DSCAM: variants seen among roughly 807,000 people sequenced by gnomAD.
The protein encoded by DSCAM is cell adhesion molecule DSCAM.
DSCAM carries 47 observed loss-of-function variants against 217.7 expected under a neutral mutation model. The ratio of observed to expected loss-of-function variants is 0.22; its 90% CI spans 0.17 to 0.28. The LOEUF (loss-of-function observed/expected upper bound fraction) is 0.28, where lower values mean the gene tolerates loss of function less well. Ranked by LOEUF, DSCAM falls within the 10% of genes least tolerant of loss-of-function variation. The pLI is 1.00. For synonymous variants in DSCAM, 1,056 were observed against 1,015.3 expected (o/e 1.04, Z -0.76); for missense variants, 2,080 against 2,618.3 (o/e 0.79, Z 4.49).
At chr21:40,773,217 G>T (rs1176589915) in intron 1 of DSCAM, among the ~76,000 whole-genome samples, 1 of 152,226 alleles carries the variant, frequency 6.6e-6, no homozygotes, top group Non-Finnish European at 1.5e-5. Context: ...TTACATTTCT[G>T]AGGGCTGCCA....
intron 3 of DSCAM, among the ~76,000 whole-genome samples, chr21:40,562,360 G>A (rs561106667): frequency 3.3e-5 from 5 of 152,016 alleles, no homozygotes; most frequent in East Asian, 1.9e-4. Flanking sequence ...CTCCCCTTCC[G>A]CCATGATTGT....
chr21:40,662,983 G>A (rs1355985702), intron 3 of DSCAM, among the ~76,000 whole-genome samples: 1 of 152,156 alleles, frequency 6.6e-6, no homozygotes, highest in Non-Finnish European at 1.5e-5. Flanking sequence ...CCAGCTTGAG[G>A]GGCTCTGAGG....
chr21:40,062,837 A>G (rs1456619113), intron 28 of DSCAM, 32 bp downstream of exon 28: 2 of 1,552,298 alleles, frequency 1.3e-6, no homozygotes, highest in African/African-American at 1.4e-5. Flanking sequence ...TCTTTCAAAC[A>G]TGATATCTGG....
At chr21:40,841,061 G>A (rs1027465935) in intron 1 of DSCAM, among the ~76,000 whole-genome samples, 3 of 152,292 alleles carry the variant, frequency 2.0e-5, no homozygotes, top group Admixed American at 1.3e-4. Context: ...AGCCAAATCA[G>A]CATCACCTAA....
At chr21:40,159,894 T>C (rs1312359250) in intron 16 of DSCAM, among the ~76,000 whole-genome samples, 3 of 152,350 alleles carry the variant, frequency 2.0e-5, no homozygotes, top group African/African-American at 7.2e-5. Flanking sequence ...TATCCATCTA[T>C]TATTAGGTTA....
At chr21:40,164,344 C>T (rs1251981365) in intron 16 of DSCAM, among the ~76,000 whole-genome samples, 1 of 152,082 alleles carries the variant, frequency 6.6e-6, no homozygotes, top group African/African-American at 2.4e-5. Flanking sequence ...TGGACTGCTG[C>T]TTGGGTAGGT....
chr21:40,758,226 T>C (rs2091295391), intron 1 of DSCAM, among the ~76,000 whole-genome samples: 1 of 152,138 alleles, frequency 6.6e-6, no homozygotes, highest in African/African-American at 2.4e-5. Context: ...TTCTGGCCTC[T>C]AGAACTATGG....
intron 3 of DSCAM, among the ~76,000 whole-genome samples, chr21:40,631,040 T>G (rs1307842282): frequency 6.6e-6 from 1 of 152,222 alleles, no homozygotes; most frequent in Non-Finnish European, 1.5e-5. Flanking sequence ...TTTCTCCCTG[T>G]GCTTTTCAGC....
intron 1 of DSCAM, among the ~76,000 whole-genome samples, chr21:40,755,323 A>G (rs1413670641): frequency 6.6e-6 from 1 of 152,054 alleles, no homozygotes; most frequent in Non-Finnish European, 1.5e-5. Context: ...GTGCATGCCT[A>G]TAATCCCAGC....
rs555702598 is a variant in DSCAM at position 40,128,306 on chromosome 21, A to G, written c.3563-3978T>C. Among the ~76,000 whole-genome samples the G allele has an allele frequency of 1.1e-4, 16 of 150,904 alleles. No homozygotes were observed. The Admixed American group carries it at 1.1e-3, about 10-fold the overall frequency. On this transcript the variant is annotated intron_variant, in intron 19 of 32. Coordinates refer to ENST00000400454, the MANE Select transcript of DSCAM (RefSeq NM_001389.5). Reference sequence around the variant, plus strand: ...TCTGTGTGGTAGGCAGGATTCTACAATGGGTCCCCAAGATCCTTACCTTCT... The same window carrying G: ...TCTGTGTGGTAGGCAGGATTCTACAGTGGGTCCCCAAGATCCTTACCTTCT...
intron 3 of DSCAM, among the ~76,000 whole-genome samples, chr21:40,611,320 G>C (rs1257263114): frequency 1.3e-5 from 2 of 152,024 alleles, no homozygotes; most frequent in Non-Finnish European, 2.9e-5. Context: ...GCCTCACAAA[G>C]TGTTGGGATT....
rs551155597 is a variant in DSCAM, at chr21:40,116,777, C to A, written c.3696+7418G>T. ...CAGCACTTTGGGAGGCCGAGGCGGG[C>A]GGATCATGAGGTCAGGAGATCGAGA... On this transcript the variant is annotated intron_variant, in intron 20 of 32. Transcript: ENST00000400454. Among the ~76,000 whole-genome samples, 124 of 150,264 alleles carry A rather than the reference C, an allele frequency of 8.3e-4. 4 individuals carry two copies. In the South Asian group the frequency reaches 0.026, roughly 31 times the overall value.
intron 11 of DSCAM, among the ~76,000 whole-genome samples, chr21:40,214,558 T>C (rs1275571487): frequency 6.6e-6 from 1 of 152,060 alleles, no homozygotes; most frequent in African/African-American, 2.4e-5. Context: ...TAAACAGCTT[T>C]GAAAGAAGCT....
chr21:40,393,294 G>A (rs1223757186), intron 3 of DSCAM, among the ~76,000 whole-genome samples: 1 of 152,212 alleles, frequency 6.6e-6, no homozygotes. Flanking sequence ...CTCTGATGCG[G>A]AGCAGCACTC....
chr21:40,595,322 G>A (rs2077013330), intron 3 of DSCAM, among the ~76,000 whole-genome samples: 1 of 151,718 alleles, frequency 6.6e-6, no homozygotes, highest in Admixed American at 6.6e-5. Flanking sequence ...AGGCTGCAGT[G>A]AGCCCTGATC....
At position 40,100,122 on chromosome 21, in the gene DSCAM, C is replaced by G. The variant is rs928277165; in HGVS notation, c.3697-6248G>C. The stretch of plus-strand genomic sequence containing the variant: ...AACCATAGGCATGAAATGCCTCCAA[C>G]AGAGGGATGCAGTGTAAATTATATA... On this transcript the variant is annotated intron_variant, in intron 20 of 32. Coordinates refer to ENST00000400454, the MANE Select transcript of DSCAM (RefSeq NM_001389.5). Among the ~76,000 whole-genome samples the G allele has an allele frequency of 5.9e-5, 9 of 152,294 alleles. 1 individual carries two copies. The Middle Eastern group carries it at 0.01, about 173-fold the overall frequency.
intron 8 of DSCAM, 108 bp downstream of exon 8, chr21:40,337,993 T>C: frequency 2.2e-6 from 3 of 1,365,460 alleles, no homozygotes; most frequent in Non-Finnish European, 3.1e-6. Context: ...TGTACAATTA[T>C]CCTGCTCTAA....
At chr21:40,194,094 G>A (rs568082828) in intron 11 of DSCAM, among the ~76,000 whole-genome samples, 164 of 152,284 alleles carry the variant, frequency 1.1e-3, no homozygotes, top group African/African-American at 3.7e-3. Context: ...CCAAACCATA[G>A]ACCTCTGGTT....
At chr21:40,437,878 A>G (rs2075597742) in intron 3 of DSCAM, among the ~76,000 whole-genome samples, 1 of 152,166 alleles carries the variant, frequency 6.6e-6, no homozygotes, top group African/African-American at 2.4e-5. Flanking sequence ...AAAGAAGAAG[A>G]GCCAGAACTG....
Sources: gnomAD v4.1 joint callset for allele counts (sites outside exome capture counted in the v4.1 genomes callset) on GRCh38, gnomAD v4.1.1 for gene constraint, MANE v1.5 for transcripts, NCBI Gene and HGNC (gene_info 2026-07-23, HGNC 2026-07-21) for gene names.